The following CPM variants were observed in gnomAD, a reference collection of about 807,000 sequenced individuals.
CPM encodes renal carboxypeptidase.
Under a neutral mutation model 46.4 loss-of-function variants are expected in CPM, and 35 were observed. The observed-to-expected ratio is 0.75, with a 90% CI of 0.58 to 1.00. The LOEUF (loss-of-function observed/expected upper bound fraction) is 1.00, where lower values mean the gene tolerates loss of function less well. CPM is among the 50% of genes least tolerant of loss of function. The pLI is 0.00. For synonymous variants in CPM, 195 were observed against 195.3 expected, an observed-to-expected ratio of 1.00 and a Z score of 0.01; for missense variants, 422 against 530.4, an observed-to-expected ratio of 0.80 and a Z score of 2.01.
rs145236738 is a variant in CPM, at chr12:68,855,296, G to C, written c.*1141C>G. On this transcript the variant is annotated 3_prime_UTR_variant, in exon 9 of 9. Coordinates refer to ENST00000551568, the MANE Select transcript of CPM (RefSeq NM_198320.5). Reference sequence around the variant, plus strand: ...TGCAGCAGGAAGAGCAGCTCTAGGGGGAACAGGATGAGTATCTCCACATGA... The same window carrying C: ...TGCAGCAGGAAGAGCAGCTCTAGGGCGAACAGGATGAGTATCTCCACATGA... 1.3e-3 allele frequency: 202 copies of C among 152,440 alleles called. No homozygotes were observed. Among genetic ancestry groups the C allele is most frequent in the Middle Eastern group, 6.8e-3 (2 of 294 alleles). 9.4% of individuals were successfully genotyped at this position (152,440 alleles called of 1,614,324 possible). A position where few individuals can be genotyped will look rare whatever the true frequency, so the allele number is the denominator to read the frequency against.
intron 2 of CPM, among the ~76,000 whole-genome samples, chr12:68,904,425 T>G (rs1887251114): frequency 6.6e-6 from 1 of 152,154 alleles, no homozygotes. Context: ...TTACCTCAAA[T>G]GAGATTAAGA....
chr12:68,921,979 T>G (rs1888058674), intron 2 of CPM, among the ~76,000 whole-genome samples: 1 of 152,226 alleles, frequency 6.6e-6, no homozygotes, highest in African/African-American at 2.4e-5. Context: ...ATCTTTGTCC[T>G]TGAGAGTATC....
At position 68,892,696 on chromosome 12, in the gene CPM, C is replaced by T. The variant is rs373067394; in HGVS notation, c.161-6807G>A. Among the ~76,000 whole-genome samples, 496 of 152,168 alleles carry T rather than the reference C, an allele frequency of 3.3e-3. 4 individuals carry two copies. Among genetic ancestry groups the T allele is most frequent in the African/African-American group, 0.011 (468 of 41,518 alleles). The stretch of plus-strand genomic sequence containing the variant: ...CTAACATCGCGAAACCCTGTCTCTA[C>T]TAAAAATACAAAATTAGCTGGGCGT... On this transcript the variant is annotated intron_variant, in intron 2 of 8. Transcript: ENST00000551568.
upstream of CPM, among the ~76,000 whole-genome samples, chr12:68,935,820 A>G (rs1888665199): frequency 1.3e-5 from 2 of 152,150 alleles, no homozygotes; most frequent in Non-Finnish European, 2.9e-5. Context: ...GGGTGGGAAC[A>G]AAGTGAAGGC....
intron 1 of CPM, chr12:68,963,119 TG>T (rs1412576520): frequency 6.5e-6 from 1 of 153,726 alleles, no homozygotes; most frequent in Non-Finnish European, 1.4e-5. Flanking sequence ...CATATACTTT[TG>T]GTTTACATTC....
chr12:68,955,920 A>G (rs796171432), intron 1 of CPM, among the ~76,000 whole-genome samples: 20 of 152,072 alleles, frequency 1.3e-4, no homozygotes, highest in African/African-American at 4.8e-4. Context: ...CAGAACTGAA[A>G]GCCGAGCCCC....
In CPM at chr12:68,870,285, C is replaced by T. The variant is rs1312529935; in HGVS notation, c.546G>A (p.Thr182=). ...VAVMKWLKTE[T]FVLSANLHGG... ...CATGGAGGTTTGCAGAGAGGACAAA[C>T]GTCTCTGTTTTCAGCCACTTCATGA... Residue 182 remains threonine (T), a synonymous_variant, in exon 5 of 9, where the codon ACG becomes ACA. Transcript: ENST00000551568. The T allele has an allele frequency of 6.8e-6, 11 of 1,614,108 alleles. No homozygotes were observed. Among genetic ancestry groups the T allele is most frequent in the East Asian group, 4.5e-5 (2 of 44,902 alleles).
At chr12:68,871,322 C>T (rs1885683898) in intron 4 of CPM, among the ~76,000 whole-genome samples, 1 of 152,066 alleles carries the variant, frequency 6.6e-6, no homozygotes, top group African/African-American at 2.4e-5. Flanking sequence ...GGGGGAGAGA[C>T]ATGAAGCAAG....
chr12:68,846,018 A>C (rs1339304237), intron 5 of CPM: 1 of 151,942 alleles, frequency 6.6e-6, no homozygotes, highest in African/African-American at 2.4e-5. Flanking sequence ...CAGTGGTGCA[A>C]TCTCGGCTCA....
intron 2 of CPM, among the ~76,000 whole-genome samples, chr12:68,909,319 C>T (rs537566247): frequency 6.6e-6 from 1 of 152,290 alleles, no homozygotes; most frequent in African/African-American, 2.4e-5. Flanking sequence ...TCCTAAGTCT[C>T]TGGAACTGTA....
chr12:68,939,009 G>T lies in CPM; in HGVS notation c.-3-6169C>A, dbSNP rs190116964. On this transcript the variant is annotated intron_variant, in intron 1 of 8. Coordinates refer to the CPM transcript ENST00000546373. The stretch of plus-strand genomic sequence containing the variant: ...AGATATTATATAAATATATCTGTAA[G>T]TATATATATAGATATTATGTACATA... Among the ~76,000 whole-genome samples, 20 of 146,706 alleles carry T rather than the reference G, an allele frequency of 1.4e-4. No homozygotes were observed. The East Asian group carries it at 3.9e-3, about 29-fold the overall frequency.
chr12:68,847,452 C>CTTTTTTTTTTTTTTTTTTT (rs772905678), downstream of CPM: 7 of 88,722 alleles, frequency 7.9e-5, no homozygotes, highest in African/African-American at 3.4e-4. Context: ...TATCTCCTTT[C>CTTTTTTTTTTTTTTTTTTT]TTTTTTTTTT....
intron 2 of CPM, among the ~76,000 whole-genome samples, chr12:68,906,405 T>C (rs1201329671): frequency 3.3e-5 from 5 of 152,072 alleles, no homozygotes; most frequent in East Asian, 1.9e-4. Context: ...ACAATATACA[T>C]AGAATACTGT....
chr12:68,891,877 C>A (rs989916465), intron 2 of CPM, among the ~76,000 whole-genome samples: 2 of 152,122 alleles, frequency 1.3e-5, no homozygotes, highest in African/African-American at 2.4e-5. Flanking sequence ...GCTGGGACTA[C>A]AGATGTGTGC....
At chr12:68,889,366 A>C in intron 2 of CPM, among the ~76,000 whole-genome samples, 1 of 152,210 alleles carries the variant, frequency 6.6e-6, no homozygotes, top group Middle Eastern at 3.2e-3. Flanking sequence ...TCCAATGATA[A>C]GGAATTTTAT....
At chr12:68,955,682 G>T (rs1889003890) in intron 1 of CPM, among the ~76,000 whole-genome samples, 1 of 152,062 alleles carries the variant, frequency 6.6e-6, no homozygotes, top group African/African-American at 2.4e-5. Flanking sequence ...GCCCAAAGTG[G>T]GTAGCTCCTA....
chr12:68,885,963 G>C, intron 2 of CPM, 74 bp from the exon 3 acceptor site: 1 of 1,261,052 alleles, frequency 7.9e-7, no homozygotes, highest in Non-Finnish European at 1.1e-6. Context: ...GGTAAGACTA[G>C]GAAACAGGAT....
At chr12:68,913,564 A>G (rs1298398211) in intron 2 of CPM, among the ~76,000 whole-genome samples, 4 of 152,114 alleles carry the variant, frequency 2.6e-5, no homozygotes, top group African/African-American at 9.7e-5. Context: ...AGGGCTCAGA[A>G]CCTTTGCAAA....
At chr12:68,910,411 C>CT (rs1314139635) in intron 2 of CPM, among the ~76,000 whole-genome samples, 4 of 151,358 alleles carry the variant, frequency 2.6e-5, no homozygotes, top group African/African-American at 4.9e-5. Context: ...TGCACATCAA[C>CT]TTTTTTTTTA....
Sources: allele counts gnomAD v4.1 joint callset (sites outside exome capture counted in the v4.1 genomes callset), GRCh38; gene constraint gnomAD v4.1.1; transcripts MANE v1.5; gene names NCBI Gene and HGNC (gene_info 2026-07-23, HGNC 2026-07-21).